Variants in PLXNB2 observed in about 807,000 individuals in gnomAD.
The protein encoded by PLXNB2 is plexin B2.
PLXNB2 carries 85 observed loss-of-function variants against 202.6 expected under a neutral mutation model. The observed-to-expected ratio is 0.42, with a 90% confidence interval of 0.35 to 0.50. PLXNB2 has a LOEUF of 0.50. Ranked by LOEUF, PLXNB2 falls within the 20% of genes least tolerant of loss-of-function variation. The pLI, the probability that PLXNB2 is intolerant of heterozygous loss-of-function variation, is 0.02. For synonymous variants in PLXNB2, 1,239 were observed against 1,137.6 expected, an observed-to-expected ratio of 1.09 and a Z score of -1.79; for missense variants, 2,063 against 2,586.2, an observed-to-expected ratio of 0.80 and a Z score of 4.39.
intron 8 of PLXNB2, 102 bp from the exon 9 acceptor site, chr22:50,286,389 C>G: frequency 1.3e-6 from 1 of 782,056 alleles, no homozygotes; most frequent in Non-Finnish European, 2.2e-6. Context: ...GTGGAGACCC[C>G]TGGTCTTCAG....
Position 50,290,240 on chromosome 22 carries a change from G to A in PLXNB2, c.345C>T (p.Leu115=). 1 of 1,611,894 alleles carries A rather than the reference G, an allele frequency of 6.2e-7. No homozygotes were observed. Among genetic ancestry groups the A allele is most frequent in the Non-Finnish European group, 8.5e-7 (1 of 1,180,014 alleles). The part of the protein sequence containing the change: ...PRKRLVECGS[L]FKGICALRAL... ...CGCGCAGAGCGCAGATGCCCTTGAA[G>A]AGGCTGCCGCACTCCACCAGGCGCT... Residue 115 remains leucine, a synonymous_variant, in exon 3 of 37, where the codon CTC becomes CTT. Transcript: ENST00000359337.
chr22:50,292,173 TA>T (rs928507503), intron 2 of PLXNB2, among the ~76,000 whole-genome samples: 1 of 151,724 alleles, frequency 6.6e-6, no homozygotes, highest in African/African-American at 2.4e-5. Flanking sequence ...CCGTCTCTAC[TA>T]AAAACACAAA....
chr22:50,301,824 G>A lies in PLXNB2; in HGVS notation c.-74+5729C>T, dbSNP rs983796480. On this transcript the variant is annotated intron_variant, in intron 1 of 36. Coordinates refer to ENST00000359337, the MANE Select transcript of PLXNB2 (RefSeq NM_012401.4). ...GCGCCTCAGCGGTCACCCCAGCCCC[G>A]CCTCGCCCATCACCGCTGAACCCCA... 2.4e-4 allele frequency among the ~76,000 whole-genome samples: 36 copies of A among 152,182 alleles called. 1 individual carries two copies. The highest frequency in any genetic ancestry group is 1.3e-3 in the Admixed American group (20 of 15,284).
At position 50,291,982 on chromosome 22, in the gene PLXNB2, CAA is replaced by C. The variant is rs2066900751; in HGVS notation, c.-13-1387_-13-1386del. Among the ~76,000 whole-genome samples, 1 of 152,254 alleles carries C rather than the reference CAA, an allele frequency of 6.6e-6. No individual in the cohort carries two copies. ...ACTGCCACATCCTCTCAGGCCACCA[CAA>C]GTGTCACCTCCCTGCATATGTCTCA... On this transcript the variant is annotated intron_variant, in intron 2 of 36. Coordinates refer to ENST00000359337, the MANE Select transcript of PLXNB2 (RefSeq NM_012401.4). This position sits in a 1 kb window ranked among gnomAD's most constrained non-coding sequence, Gnocchi z 4.3.
chr22:50,280,714 G>GGGC, intron 24 of PLXNB2, 30 bp downstream of exon 24: 24 of 1,528,654 alleles, frequency 1.6e-5, no homozygotes, highest in Non-Finnish European at 2.1e-5. Context: ...CCACCTGTGT[G>GGGC]CCCTCCCGCC....
At chr22:50,294,202 C>T (rs542885642) in intron 2 of PLXNB2, among the ~76,000 whole-genome samples, 14 of 152,388 alleles carry the variant, frequency 9.2e-5, no homozygotes, top group East Asian at 3.9e-4. Flanking sequence ...CCCCCACTTA[C>T]GGGGCTGGCG....
Position 50,281,644 on chromosome 22 carries a change from G to A in PLXNB2, c.3444C>T (p.Tyr1148=). The part of the protein sequence containing the change: ...TMKTLTETDL[Y]CEPPEVQPPP... ...GGGGCTGCACCTCCGGGGGCTCACA[G>A]TACAGGTCGGTCTCCGTCAGCGTCT... The change falls in exon 21 of 37, where the codon TAC becomes TAT. Residue 1148 remains tyrosine (Y), a synonymous_variant. Coordinates refer to ENST00000359337, the MANE Select transcript of PLXNB2 (RefSeq NM_012401.4). 1 of 1,599,922 alleles carries A rather than the reference G, an allele frequency of 6.3e-7. No individual in the cohort carries two copies. The highest frequency in any genetic ancestry group is 8.5e-7 in the Non-Finnish European group (1 of 1,172,326).
rs376555966 is a variant in PLXNB2, at chr22:50,286,326, G to T, written c.1763-39C>A. 4.0e-6 allele frequency: 6 copies of T among 1,482,668 alleles called. No homozygotes were observed. The Admixed American group carries it at 1.0e-4, about 25-fold the overall frequency. 91.8% of individuals were successfully genotyped at this position (1,482,668 alleles called of 1,614,324 possible). A position where few individuals can be genotyped will look rare whatever the true frequency, so the allele number is the denominator to read the frequency against. ...AGGGGGAGGTGTCAAGGTGGCGGCC[G>T]CAGGGCCGAGGGCCAGGCTGGGCCT... On this transcript the variant is annotated intron_variant, in intron 8 of 36. Coordinates refer to ENST00000359337, the MANE Select transcript of PLXNB2 (RefSeq NM_012401.4).
chr22:50,296,302 GTAC>G (rs1319043667), intron 1 of PLXNB2, among the ~76,000 whole-genome samples: 9 of 144,794 alleles, frequency 6.2e-5, no homozygotes, highest in African/African-American at 2.6e-4. Flanking sequence ...GAAGTCCCGG[GTAC>G]TGAGGAGGCT....
In PLXNB2 at chr22:50,284,879, G is replaced by A. The variant is rs2066305367; in HGVS notation, c.2089-214C>T. ...CAGAAGCCTCTGAACGTCCTCTGTG[G>A]GTTTCCCACGGCCACCTCCACCACT... On this transcript the variant is annotated intron_variant, in intron 11 of 36. Transcript: ENST00000359337. This position sits in a 1 kb window ranked among gnomAD's most constrained non-coding sequence, Gnocchi z 8.0. 1 of 673,110 alleles carries A rather than the reference G, an allele frequency of 1.5e-6. No individual in the cohort carries two copies. Among genetic ancestry groups the A allele is most frequent in the Admixed American group, 2.1e-5 (1 of 48,436 alleles). 41.7% of individuals were successfully genotyped at this position (673,110 alleles called of 1,614,324 possible). A position where few individuals can be genotyped will look rare whatever the true frequency, so the allele number is the denominator to read the frequency against.
chr22:50,284,238 G>A lies in PLXNB2; in HGVS notation c.2182-25C>T. Reference sequence around the variant, plus strand: ...GCTGGGGGACACGCAGGGGCACACTGCACTTCCTGCCCCCACAGAGGGGCG... The same window carrying A: ...GCTGGGGGACACGCAGGGGCACACTACACTTCCTGCCCCCACAGAGGGGCG... On this transcript the variant is annotated intron_variant, in intron 12 of 36. Coordinates refer to ENST00000359337, the MANE Select transcript of PLXNB2 (RefSeq NM_012401.4). This position sits in a 1 kb window ranked among gnomAD's most constrained non-coding sequence, Gnocchi z 8.0. 1 of 1,605,760 alleles carries A rather than the reference G, an allele frequency of 6.2e-7. No individual in the cohort carries two copies. Among genetic ancestry groups the A allele is most frequent in the Non-Finnish European group, 8.5e-7 (1 of 1,173,596 alleles).
chr22:50,277,102 T>G (rs190955801), intron 33 of PLXNB2, among the ~76,000 whole-genome samples, 196 bp from the exon 34 acceptor site: 344 of 152,112 alleles, frequency 2.3e-3, no homozygotes, highest in African/African-American at 7.9e-3. Flanking sequence ...AGGTCAGGGG[T>G]TCGAGACCAG....
chr22:50,283,521 TC>T, intron 15 of PLXNB2, 76 bp from the exon 16 acceptor site: 1 of 709,364 alleles, frequency 1.4e-6, no homozygotes, highest in Non-Finnish European at 1.8e-6. Context: ...CCCCTCAGCC[TC>T]CCCACCCACC....
In PLXNB2 at chr22:50,278,515, C is replaced by A; in HGVS notation, c.4652G>T (p.Arg1551Leu). 6.4e-7 allele frequency: 1 copy of A among 1,571,088 alleles called. No homozygotes were observed. The highest frequency in any genetic ancestry group is 2.4e-5 in the East Asian group (1 of 42,068). Residue 1551 changes from arginine (R) to leucine (L), a missense_variant, in exon 30 of 37, where the codon CGG becomes CTG. By Grantham distance (102) the Arg-to-Leu change is moderately radical. This residue lies in a region of PLXNB2 where 760 missense variants were observed against 1,109.4 expected (regional missense o/e 0.69). Coordinates refer to ENST00000359337, the MANE Select transcript of PLXNB2 (RefSeq NM_012401.4). ...GGACAGGATGAGGGTGGCTCCATCC[C>A]GGACCTGGGGAACACGGCGGTGAGG... ...RVNTLMHYNVRDGATLILSKV... is the reference protein window; with the variant it reads ...RVNTLMHYNVLDGATLILSKV...
chr22:50,301,472 C>G (rs887686827), intron 1 of PLXNB2: 1 of 833,930 alleles, frequency 1.2e-6, no homozygotes, highest in East Asian at 1.2e-4. Flanking sequence ...TGCGGTCAGA[C>G]AGCAGGCGGC....
intron 8 of PLXNB2, among the ~76,000 whole-genome samples, chr22:50,286,877 G>A (rs1199054099): frequency 6.6e-6 from 1 of 152,202 alleles, no homozygotes; most frequent in Non-Finnish European, 1.5e-5. Flanking sequence ...CTGAAGACAA[G>A]TCACCTTTGC....
Position 50,283,715 on chromosome 22 carries a change from G to A in PLXNB2, c.2457C>T (p.Ile819=), listed in dbSNP as rs968761021. The A allele has an allele frequency of 1.2e-6, 2 of 1,613,036 alleles. No individual in the cohort carries two copies. The highest frequency in any genetic ancestry group is 2.7e-5 in the African/African-American group (2 of 74,906). ...AATTGGACCCCAGGATGGTGATGCG[G>A]ATGCCCCCACCCAGGGGGCCCGTCT... The part of the protein sequence containing the change: ...QPETGPLGGG[I]RITILGSNLG... Residue 819 remains isoleucine, a synonymous_variant, in exon 15 of 37, where the codon ATC becomes ATT. Transcript: ENST00000359337.
rs770795215 is a variant in PLXNB2, at chr22:50,283,674, C to T, written c.2498G>A (p.Gly833Glu). ...ILGSNLGVQA[G>E]DIQRISVAGR... ...GGCCACAGAGATCCTCTGGATGTCC[C>T]CTGCTTGGACGCCCAAATTGGACCC... is the stretch of plus-strand genomic sequence containing the variant. The change falls in exon 15 of 37, where the codon GGG (glycine) becomes GAG (glutamate). Residue 833 changes from glycine to glutamate, a missense_variant. Physicochemically the swap from Gly to Glu is moderately conservative, Grantham distance 98 (BLOSUM62 -2). Coordinates refer to ENST00000359337, the MANE Select transcript of PLXNB2 (RefSeq NM_012401.4). 101 of 1,613,006 alleles carry T rather than the reference C, an allele frequency of 6.3e-5. 1 individual carries two copies. The highest frequency in any genetic ancestry group is 7.7e-5 in the Non-Finnish European group (91 of 1,179,964).
chr22:50,278,976 G>A lies in PLXNB2; in HGVS notation c.4425C>T (p.Asp1475=), dbSNP rs200143109. 9.2e-4 allele frequency: 1,477 copies of A among 1,613,264 alleles called. 1 individual carries two copies. Among genetic ancestry groups the A allele is most frequent in the Admixed American group, 1.3e-3 (79 of 59,986 alleles). ...AGTTGAGGACCTTCACCGGGATGGC[G>A]TCCACTCCCTCGTCCTGCACGATCA... The part of the protein sequence containing the change: ...VSVIVQDEGV[D]AIPVKVLNCD... Residue 1475 remains aspartate, a synonymous_variant, in exon 28 of 37, where the codon GAC becomes GAT. Coordinates refer to ENST00000359337, the MANE Select transcript of PLXNB2 (RefSeq NM_012401.4).
Sources: allele counts gnomAD v4.1 joint callset (sites outside exome capture counted in the v4.1 genomes callset), GRCh38; gene constraint gnomAD v4.1.1; regional missense constraint gnomAD v4.1.1; non-coding constraint Gnocchi (gnomAD v3.1); transcripts MANE v1.5; gene names NCBI Gene and HGNC (gene_info 2026-07-23, HGNC 2026-07-21).